OR2L13: variants seen among roughly 807,000 people sequenced by gnomAD.
The protein encoded by OR2L13 is olfactory receptor 2L13.
OR2L13 carries 14 observed loss-of-function variants against 15.3 expected under a neutral mutation model. The observed-to-expected ratio is 0.91, with a 90% CI of 0.60 to 1.43. OR2L13 has a LOEUF of 1.43. Ranked by LOEUF, OR2L13 falls within the 40% of genes most tolerant of loss-of-function variation. The pLI is 0.00. For synonymous variants in OR2L13, 152 were observed against 142.9 expected, an observed-to-expected ratio of 1.06 and a Z score of -0.45; for missense variants, 367 against 387.9, an observed-to-expected ratio of 0.95 and a Z score of 0.45.
At chr1:248,020,634 T>G in the OR2L13 span, among the ~76,000 whole-genome samples, 1 of 152,070 alleles carries the variant, frequency 6.6e-6, no homozygotes, top group Non-Finnish European at 1.5e-5. Flanking sequence ...GTGGCAGACA[T>G]TAAAAACCAA....
exon 3 of OR2L13, chr1:248,099,649 T>C: frequency 1.2e-6 from 2 of 1,614,158 alleles, no homozygotes; most frequent in Non-Finnish European, 1.7e-6. Context: ...GAAAGGCATC[T>C]CCTTCCTGGG....
the OR2L13 span, among the ~76,000 whole-genome samples, chr1:248,026,926 A>G: frequency 2.2e-3 from 332 of 152,338 alleles, 1 homozygote; most frequent in Non-Finnish European, 3.3e-3. Flanking sequence ...TGTTTGAACA[A>G]TATGAAATCT....
At chr1:248,039,891 A>T in the OR2L13 span, 1 of 152,202 alleles carries the variant, frequency 6.6e-6, no homozygotes, top group Non-Finnish European at 1.5e-5. Flanking sequence ...ATAAATAATT[A>T]TGTTTGTGGA....
chr1:248,072,051 C>T, the OR2L13 span, among the ~76,000 whole-genome samples: 2 of 151,022 alleles, frequency 1.3e-5, no homozygotes, highest in Non-Finnish European at 1.5e-5. Flanking sequence ...GGCCATACTG[C>T]CCAAGGTAAT....
chr1:247,941,242 T>G, the OR2L13 span, among the ~76,000 whole-genome samples: 2 of 152,212 alleles, frequency 1.3e-5, no homozygotes, highest in Admixed American at 1.3e-4. Context: ...ACAGAAGTTC[T>G]TTCATTTAGT....
chr1:247,994,517 A>T, the OR2L13 span, among the ~76,000 whole-genome samples: 1 of 152,162 alleles, frequency 6.6e-6, no homozygotes, highest in South Asian at 2.1e-4. Context: ...AGACACACAC[A>T]CAGAAATACT....
the OR2L13 span, among the ~76,000 whole-genome samples, chr1:248,045,616 G>C: frequency 3.3e-5 from 5 of 152,134 alleles, no homozygotes; most frequent in Non-Finnish European, 7.3e-5. Flanking sequence ...CTACTATTAC[G>C]TTAAAAATCA....
At chr1:248,070,595 C>G in the OR2L13 span, among the ~76,000 whole-genome samples, 1 of 152,014 alleles carries the variant, frequency 6.6e-6, no homozygotes, top group East Asian at 1.9e-4. Flanking sequence ...CAGATTCAAA[C>G]GCTAGCAGAA....
the OR2L13 span, chr1:247,974,731 A>G: frequency 4.3e-6 from 1 of 233,560 alleles, no homozygotes; most frequent in South Asian, 8.3e-5. Flanking sequence ...GAAGGATTGT[A>G]GGAATGCCCC....
Position 248,099,523 on chromosome 1 carries a change from GT to G in OR2L13, c.149del (p.Val50GlyfsTer21). The G allele has an allele frequency of 6.2e-7, 1 of 1,613,876 alleles. No homozygotes were observed. The highest frequency in any genetic ancestry group is 1.1e-5 in the South Asian group (1 of 91,046). ...CTCGGCCATGATTCACCTCATCCACGTGGATCCTCGTCTCCACACACCGATG... is the reference window on the plus strand; with the variant it reads ...CTCGGCCATGATTCACCTCATCCACGGGATCCTCGTCTCCACACACCGATG... On this transcript the variant is annotated frameshift_variant, in exon 3 of 3. Transcript: ENST00000641714. LOFTEE classifies it high-confidence loss of function.
the OR2L13 span, among the ~76,000 whole-genome samples, chr1:248,075,931 T>C: frequency 1.3e-5 from 2 of 152,244 alleles, no homozygotes; most frequent in Non-Finnish European, 2.9e-5. Context: ...CCCTTGCCTA[T>C]GTCCTGAATG....
chr1:248,084,689 A>G, the OR2L13 span: 3 of 1,490,646 alleles, frequency 2.0e-6, no homozygotes, highest in African/African-American at 1.4e-5. Context: ...CTTTTTTTTC[A>G]TAGAAAATTC....
At chr1:248,072,352 A>T in the OR2L13 span, among the ~76,000 whole-genome samples, 13,710 of 152,284 alleles carry the variant, frequency 0.09, 830 homozygotes, top group African/African-American at 0.17. Flanking sequence ...ATCTTTGACA[A>T]ACCTGAGAAA....
At chr1:247,993,809 G>GAGAGAGAGAGAGAA in the OR2L13 span, among the ~76,000 whole-genome samples, 3 of 132,964 alleles carry the variant, frequency 2.3e-5, no homozygotes, top group Admixed American at 7.1e-5. Context: ...GAGAGAGAGA[G>GAGAGAGAGAGAGAA]AGAAAGAAAG....
the OR2L13 span, among the ~76,000 whole-genome samples, chr1:247,993,091 A>T: frequency 6.6e-6 from 1 of 152,010 alleles, no homozygotes; most frequent in Non-Finnish European, 1.5e-5. Flanking sequence ...ATGGTCTCTC[A>T]TTGTGGCTCT....
the OR2L13 span, among the ~76,000 whole-genome samples, chr1:248,068,603 C>G: frequency 1.3e-5 from 2 of 152,206 alleles, no homozygotes; most frequent in Non-Finnish European, 2.9e-5. Context: ...CAGTTCCTCA[C>G]CAGCAACGGA....
chr1:247,989,811 A>G, the OR2L13 span, among the ~76,000 whole-genome samples: 2 of 152,164 alleles, frequency 1.3e-5, no homozygotes, highest in African/African-American at 4.8e-5. Flanking sequence ...GGAAAATTCC[A>G]CAAATGAGCA....
At chr1:248,063,168 A>G in the OR2L13 span, 1 of 152,220 alleles carries the variant, frequency 6.6e-6, no homozygotes, top group Non-Finnish European at 1.5e-5. Context: ...ATTGCATTGA[A>G]TCTGTAGTTT....
At chr1:248,046,238 C>T in the OR2L13 span, among the ~76,000 whole-genome samples, 1 of 151,988 alleles carries the variant, frequency 6.6e-6, no homozygotes, top group Non-Finnish European at 1.5e-5. Flanking sequence ...TGAAAGGAAA[C>T]AATTTGAACA....
Sources: gnomAD v4.1 joint callset for allele counts (sites outside exome capture counted in the v4.1 genomes callset) on GRCh38, gnomAD v4.1.1 for gene constraint, MANE v1.5 for transcripts, NCBI Gene and HGNC (gene_info 2026-07-23, HGNC 2026-07-21) for gene names.